Variants in RAB29 observed in about 807,000 individuals in gnomAD.
The protein encoded by RAB29 is ras-related protein Rab-29.
Under a neutral mutation model 25.5 loss-of-function variants are expected in RAB29, and 13 were observed. That is an observed-to-expected ratio of 0.51 (90% confidence interval 0.33 to 0.81). RAB29 has a LOEUF of 0.81. Ranked by LOEUF, RAB29 falls within the 30% of genes least tolerant of loss-of-function variation. The probability of loss-of-function intolerance (pLI) is 0.02; values close to 1 mark genes in which losing one functional copy is unlikely to be tolerated. For missense variants in RAB29, 201 were observed against 254.9 expected (o/e 0.79, Z 1.44); for synonymous variants, 88 against 95.0 (o/e 0.93, Z 0.43).
At position 205,768,268 on chromosome 1, in the gene RAB29, A is replaced by G. The variant is rs1309888421; in HGVS notation, c.*2074T>C. The stretch of plus-strand genomic sequence containing the variant: ...ATATGTGGCCTCTGATCTCTTTCTT[A>G]GGGCAGTGGTTTTCAACGTCTGTGT... On this transcript the variant is annotated 3_prime_UTR_variant, in exon 6 of 6. Transcript: ENST00000367139. 1 of 152,224 alleles carries G rather than the reference A, an allele frequency of 6.6e-6. No individual in the cohort carries two copies. Among genetic ancestry groups the G allele is most frequent in the Non-Finnish European group, 1.5e-5 (1 of 68,040 alleles). The allele number at this position is 152,224 out of a possible 1,614,324, so 9.4% of individuals were successfully genotyped here. A position where few individuals can be genotyped will look rare whatever the true frequency, so the allele number is the denominator to read the frequency against.
At position 205,775,037 on chromosome 1, in the gene RAB29, G is replaced by C. The variant is rs537567985; in HGVS notation, c.-81C>G. The C allele has an allele frequency of 1.3e-6, 2 of 1,553,940 alleles. No homozygotes were observed. Among genetic ancestry groups the C allele is most frequent in the Non-Finnish European group, 1.8e-6 (2 of 1,138,942 alleles). On this transcript the variant is annotated 5_prime_UTR_variant, in exon 2 of 6. Coordinates refer to ENST00000367139, the MANE Select transcript of RAB29 (RefSeq NM_003929.3). ...CGCTCGTTTTAACCCCTTTGGATCCGGACCCTCTTCAAACTGAAGTGAGGC... is the reference window on the plus strand; with the variant it reads ...CGCTCGTTTTAACCCCTTTGGATCCCGACCCTCTTCAAACTGAAGTGAGGC...
chr1:205,771,317 GA>G lies in RAB29; in HGVS notation c.378+154del, dbSNP rs1654996831. On this transcript the variant is annotated intron_variant, in intron 4 of 5. Coordinates refer to ENST00000367139, the MANE Select transcript of RAB29 (RefSeq NM_003929.3). ...CCGTCTCAAAAAAAAAAAAAAGAAA[GA>G]AAGTCTCACTCACCCTCAACATCCT... 7 of 704,834 alleles carry G rather than the reference GA, an allele frequency of 9.9e-6. No homozygotes were observed. In the Admixed American group the frequency reaches 1.8e-4, roughly 18 times the overall value. 43.7% of individuals were successfully genotyped at this position (704,834 alleles called of 1,614,324 possible). A position where few individuals can be genotyped will look rare whatever the true frequency, so the allele number is the denominator to read the frequency against.
chr1:205,771,929 G>A (rs1655046094), intron 3 of RAB29, among the ~76,000 whole-genome samples: 1 of 147,350 alleles, frequency 6.8e-6, no homozygotes, highest in Non-Finnish European at 1.5e-5. Context: ...TTTGTAAAGT[G>A]AAGATAAAAG....
intron 1 of RAB29, 48 bp from the exon 2 acceptor site, chr1:205,775,134 C>T (rs1164522703): frequency 4.9e-6 from 4 of 817,034 alleles, no homozygotes; most frequent in Non-Finnish European, 7.2e-6. Context: ...TCAACCTATA[C>T]GCGCTTCCTC....
At chr1:205,770,895 C>G in intron 4 of RAB29, 41 bp from the exon 5 acceptor site, 1 of 1,610,826 alleles carries the variant, frequency 6.2e-7, no homozygotes. Context: ...CATAAACTTC[C>G]TGCAACTAAG....
rs397939596 is a variant in RAB29 at position 205,770,871 on chromosome 1, A to AT, written c.379-18dup. ...CAGATCACACTAGCAAAGAGAAAAAATAAAAGGCAGTATCATAAACTTCCT... is the reference window on the plus strand; with the variant it reads ...CAGATCACACTAGCAAAGAGAAAAAATTAAAAGGCAGTATCATAAACTTCCT... On this transcript the variant is annotated splice_polypyrimidine_tract_variant and intron_variant, in intron 4 of 5. Transcript: ENST00000367139. The AT allele has an allele frequency of 1.2e-6, 2 of 1,614,056 alleles. No individual in the cohort carries two copies. Among genetic ancestry groups the AT allele is most frequent in the Non-Finnish European group, 1.7e-6 (2 of 1,179,958 alleles).
At chr1:205,771,391 T>A (rs924391621) in intron 4 of RAB29, 81 bp downstream of exon 4, 1 of 1,513,658 alleles carries the variant, frequency 6.6e-7, no homozygotes, top group Non-Finnish European at 9.2e-7. Flanking sequence ...GGGAAATGGA[T>A]GCCCAGAATC....
Position 205,775,103 on chromosome 1 carries a change from GC to G in RAB29, c.-130-18del. On this transcript the variant is annotated intron_variant, in intron 1 of 5. Transcript: ENST00000367139. ...CTGTCTGGGCTGCTCTGACGAGAAA[GC>G]AAAAAAGGAAACTTTGCACTCAACC... is the stretch of plus-strand genomic sequence containing the variant. 1 of 1,104,452 alleles carries G rather than the reference GC, an allele frequency of 9.1e-7. No homozygotes were observed. Among genetic ancestry groups the G allele is most frequent in the Non-Finnish European group, 1.3e-6 (1 of 792,940 alleles). The allele number at this position is 1,104,452 out of a possible 1,614,324, so 68.4% of individuals were successfully genotyped here.
rs1407913477 is a variant in RAB29 at position 205,770,233 on chromosome 1, T to TA, written c.*108dup. ...GACAATGGGCCTCCTTACTGGACAGTAGTCAGGAGACAATTCAAATGTACT... is the reference window on the plus strand; with the variant it reads ...GACAATGGGCCTCCTTACTGGACAGTAAGTCAGGAGACAATTCAAATGTACT... On this transcript the variant is annotated 3_prime_UTR_variant, in exon 6 of 6. Coordinates refer to ENST00000367139, the MANE Select transcript of RAB29 (RefSeq NM_003929.3). The TA allele has an allele frequency of 1.7e-5, 15 of 875,836 alleles. No homozygotes were observed. The highest frequency in any genetic ancestry group is 2.6e-5 in the Non-Finnish European group (14 of 531,110). 54.3% of individuals were successfully genotyped at this position (875,836 alleles called of 1,614,324 possible).
At chr1:205,774,724 A>G (rs1261092390) in intron 2 of RAB29, 109 bp downstream of exon 2, 3 of 1,198,906 alleles carry the variant, frequency 2.5e-6, no homozygotes, top group African/African-American at 3.0e-5. Flanking sequence ...GACCCGAAGA[A>G]GGACCCAACA....
chr1:205,774,727 A>C, intron 2 of RAB29, 106 bp downstream of exon 2: 1 of 1,230,646 alleles, frequency 8.1e-7, no homozygotes, highest in Non-Finnish European at 1.2e-6. Flanking sequence ...CCGAAGAAGG[A>C]CCCAACAACC....
chr1:205,775,034 T>C lies in RAB29; in HGVS notation c.-78A>G. ...GGTCGCTCGTTTTAACCCCTTTGGATCCGGACCCTCTTCAAACTGAAGTGA... is the reference window on the plus strand; with the variant it reads ...GGTCGCTCGTTTTAACCCCTTTGGACCCGGACCCTCTTCAAACTGAAGTGA... On this transcript the variant is annotated 5_prime_UTR_variant, in exon 2 of 6. Coordinates refer to ENST00000367139, the MANE Select transcript of RAB29 (RefSeq NM_003929.3). 1 of 1,558,538 alleles carries C rather than the reference T, an allele frequency of 6.4e-7. No individual in the cohort carries two copies. Among genetic ancestry groups the C allele is most frequent in the Non-Finnish European group, 8.8e-7 (1 of 1,141,762 alleles).
In RAB29 at chr1:205,771,568, A is replaced by G. The variant is rs773932100; in HGVS notation, c.282T>C (p.Thr94=). Reference sequence around the variant, plus strand: ...TCCACCTCTGGCTGTTGCTGAAGGTAGTGGCATTGGTAACGTCAAACATAA... The same window carrying G: ...TCCACCTCTGGCTGTTGCTGAAGGTGGTGGCATTGGTAACGTCAAACATAA... ...CVIMFDVTNA[T]TFSNSQRWKQ... Residue 94 remains threonine, a synonymous_variant, in exon 4 of 6, where the codon ACT becomes ACC. Coordinates refer to ENST00000367139, the MANE Select transcript of RAB29 (RefSeq NM_003929.3). 6.2e-7 allele frequency: 1 copy of G among 1,614,006 alleles called. No individual in the cohort carries two copies. The highest frequency in any genetic ancestry group is 1.1e-5 in the South Asian group (1 of 91,082).
In RAB29 at chr1:205,769,425, T is replaced by G. The variant is rs1654875644; in HGVS notation, c.*917A>C. ...ATGAGATAGGTAGTTTAAAAATGAC[T>G]ATTCTTTTTTCTTTTTTTTTTGAGA... On this transcript the variant is annotated 3_prime_UTR_variant, in exon 6 of 6. Coordinates refer to ENST00000367139, the MANE Select transcript of RAB29 (RefSeq NM_003929.3). The G allele has an allele frequency of 6.6e-6, 1 of 152,138 alleles. No individual in the cohort carries two copies. The highest frequency in any genetic ancestry group is 1.9e-4 in the East Asian group (1 of 5,198). 9.4% of individuals were successfully genotyped at this position (152,138 alleles called of 1,614,324 possible).
Position 205,774,966 on chromosome 1 carries a change from G to A in RAB29, c.-10C>T. 6.2e-7 allele frequency: 1 copy of A among 1,613,400 alleles called. No individual in the cohort carries two copies. Among genetic ancestry groups the A allele is most frequent in the Non-Finnish European group, 8.5e-7 (1 of 1,180,020 alleles). ...GGTCGCGGCTGCCCATGGCTAGCGGGGTGTGCGTTTTAGGGAGGCGGGAAG... is the reference window on the plus strand; with the variant it reads ...GGTCGCGGCTGCCCATGGCTAGCGGAGTGTGCGTTTTAGGGAGGCGGGAAG... On this transcript the variant is annotated 5_prime_UTR_variant, in exon 2 of 6. Transcript: ENST00000367139.
chr1:205,775,010 G>A lies in RAB29; in HGVS notation c.-54C>T, dbSNP rs708725. 6.2e-7 allele frequency: 1 copy of A among 1,605,660 alleles called. No homozygotes were observed. Among genetic ancestry groups the A allele is most frequent in the Non-Finnish European group, 8.5e-7 (1 of 1,177,704 alleles). ...CGGGAAGTGTGGTCGGGGATCGGGG[G>A]TCGCTCGTTTTAACCCCTTTGGATC... On this transcript the variant is annotated 5_prime_UTR_variant, in exon 2 of 6. Transcript: ENST00000367139.
chr1:205,773,725 C>G (rs572658947), intron 2 of RAB29, among the ~76,000 whole-genome samples: 1 of 152,030 alleles, frequency 6.6e-6, no homozygotes, highest in South Asian at 2.1e-4. Context: ...TGGCTGGTCT[C>G]GAACTCCTGG....
intron 5 of RAB29, 46 bp from the exon 6 acceptor site, chr1:205,770,499 G>T (rs1654931916): frequency 2.6e-6 from 4 of 1,527,546 alleles, no homozygotes; most frequent in Non-Finnish European, 3.6e-6. Context: ...TGGAGGAAAA[G>T]CAGAAATGGC....
chr1:205,772,022 C>T (rs1310162928), intron 3 of RAB29, among the ~76,000 whole-genome samples: 2 of 146,560 alleles, frequency 1.4e-5, no homozygotes, highest in Admixed American at 1.4e-4. Flanking sequence ...CATCTAGGCT[C>T]ACTGCAACCT....
Sources: allele counts gnomAD v4.1 joint callset (sites outside exome capture counted in the v4.1 genomes callset), GRCh38; gene constraint gnomAD v4.1.1; transcripts MANE v1.5; gene names NCBI Gene and HGNC (gene_info 2026-07-23, HGNC 2026-07-21).